Variants in NSUN6 observed in about 807,000 individuals in gnomAD.
The protein encoded by NSUN6 is tRNA (cytosine(72)-C(5))-methyltransferase NSUN6.
NSUN6 carries 64 observed loss-of-function variants against 58.0 expected under a neutral mutation model. That is an observed-to-expected ratio of 1.10 (90% CI 0.90 to 1.36). NSUN6 has a LOEUF of 1.36. NSUN6 is among the 40% of genes most tolerant of loss of function. The pLI is 0.00. For missense variants in NSUN6, 701 were observed against 550.1 expected, an observed-to-expected ratio of 1.27 and a Z score of -2.74; for synonymous variants, 231 against 193.9, an observed-to-expected ratio of 1.19 and a Z score of -1.59.
At chr10:18,555,855 A>AGAATG (rs1223164181) in intron 8 of NSUN6, among the ~76,000 whole-genome samples, 1 of 149,584 alleles carries the variant, frequency 6.7e-6, no homozygotes, top group African/African-American at 2.5e-5. Flanking sequence ...AATGGAATGG[A>AGAATG]GAATGGAATG....
At chr10:18,622,280 T>C (rs747042635) in intron 3 of NSUN6, among the ~76,000 whole-genome samples, 7 of 152,082 alleles carry the variant, frequency 4.6e-5, no homozygotes, top group African/African-American at 7.2e-5. Context: ...GAGAATACAA[T>C]GAGAAGTCAG....
chr10:18,604,446 C>T (rs1364008431), intron 6 of NSUN6, among the ~76,000 whole-genome samples: 1 of 152,194 alleles, frequency 6.6e-6, no homozygotes, highest in African/African-American at 2.4e-5. Flanking sequence ...TGCTTTGTTA[C>T]TCAAAGTATG....
At chr10:18,573,136 C>T (rs559170599) in intron 8 of NSUN6, among the ~76,000 whole-genome samples, 14 of 150,808 alleles carry the variant, frequency 9.3e-5, no homozygotes, top group African/African-American at 2.4e-4. Context: ...TCGTCCATTC[C>T]GTTCCACTCT....
At chr10:18,552,117 A>C (rs2054643186) in intron 8 of NSUN6, 146 bp from the exon 9 acceptor site, 2 of 582,040 alleles carry the variant, frequency 3.4e-6, no homozygotes, top group South Asian at 4.9e-5. Context: ...GGTTAAACTA[A>C]TTTTGACTTA....
Position 18,614,119 on chromosome 10 carries a change from C to T in NSUN6, c.575+341G>A, listed in dbSNP as rs548343814. On this transcript the variant is annotated intron_variant, in intron 5 of 10. Coordinates refer to ENST00000377304, the MANE Select transcript of NSUN6 (RefSeq NM_182543.5). Reference sequence around the variant, plus strand: ...TCAAACTTTTTCTGACAAATAAGAACGTTAAAAATGATCTGGATAGATCAT... The same window carrying T: ...TCAAACTTTTTCTGACAAATAAGAATGTTAAAAATGATCTGGATAGATCAT... 1.3e-4 allele frequency among the ~76,000 whole-genome samples: 20 copies of T among 151,684 alleles called. No individual in the cohort carries two copies. In the East Asian group the frequency reaches 1.7e-3, roughly 13 times the overall value.
At chr10:18,602,351 C>A (rs2057877768) in intron 6 of NSUN6, among the ~76,000 whole-genome samples, 1 of 151,686 alleles carries the variant, frequency 6.6e-6, no homozygotes, top group Non-Finnish European at 1.5e-5. Context: ...TCATGCCATT[C>A]TCCTGCCTCA....
chr10:18,640,560 C>T (rs981818492), intron 3 of NSUN6, among the ~76,000 whole-genome samples: 1 of 152,238 alleles, frequency 6.6e-6, no homozygotes. Flanking sequence ...TAGCAGCTAA[C>T]TGGTCCAAAA....
At chr10:18,591,472 A>G (rs751658917) in intron 7 of NSUN6, among the ~76,000 whole-genome samples, 1 of 152,230 alleles carries the variant, frequency 6.6e-6, no homozygotes, top group African/African-American at 2.4e-5. Context: ...AAAATCCTCA[A>G]TAAAATATTG....
intron 3 of NSUN6, among the ~76,000 whole-genome samples, chr10:18,637,233 G>C (rs1192431171): frequency 2.6e-5 from 4 of 152,106 alleles, no homozygotes; most frequent in African/African-American, 9.7e-5. Flanking sequence ...AAAGTGCTGG[G>C]ATTACAGGCG....
intron 7 of NSUN6, 38 bp from the exon 8 acceptor site, chr10:18,586,131 A>G (rs1401281141): frequency 6.1e-6 from 9 of 1,481,192 alleles, no homozygotes; most frequent in Non-Finnish European, 8.1e-6. Context: ...AGAAAAAAAA[A>G]AAGAAAATTA....
At chr10:18,555,732 TAGAATGG>T (rs918000089) in intron 8 of NSUN6, among the ~76,000 whole-genome samples, 1 of 146,210 alleles carries the variant, frequency 6.8e-6, no homozygotes, top group African/African-American at 2.6e-5. Flanking sequence ...GACAATGGGT[TAGAATGG>T]AGAATGGAAT....
At chr10:18,641,110 G>C (rs1176206054) in intron 3 of NSUN6, among the ~76,000 whole-genome samples, 4 of 152,030 alleles carry the variant, frequency 2.6e-5, no homozygotes, top group African/African-American at 9.7e-5. Flanking sequence ...CATCTTCTCT[G>C]ATTGGTAAGT....
rs2059420227 is a variant in NSUN6, at chr10:18,642,544, T to A, written c.243A>T (p.Gly81=). ...LLDELQKQFN[G]LSVPILQHPD... is the part of the protein sequence containing the mutation. ...GATGTTGAAGAATAGGAACACTTAATCCATTAAACTGCTGTTAAAGATAAA... is the reference window on the plus strand; with the variant it reads ...GATGTTGAAGAATAGGAACACTTAAACCATTAAACTGCTGTTAAAGATAAA... Residue 81 remains glycine (G), a synonymous_variant, in exon 3 of 11, where the codon GGA becomes GGT. Coordinates refer to ENST00000377304, the MANE Select transcript of NSUN6 (RefSeq NM_182543.5). 1 of 1,478,814 alleles carries A rather than the reference T, an allele frequency of 6.8e-7. No individual in the cohort carries two copies. The highest frequency in any genetic ancestry group is 9.4e-7 in the Non-Finnish European group (1 of 1,058,648). The allele number at this position is 1,478,814 out of a possible 1,614,324, so 91.6% of individuals were successfully genotyped here.
At chr10:18,565,785 A>ATTCTCCACTCCATTCCT (rs1252389580) in intron 8 of NSUN6, among the ~76,000 whole-genome samples, 3 of 142,118 alleles carry the variant, frequency 2.1e-5, no homozygotes, top group African/African-American at 5.3e-5. Flanking sequence ...CTTTCATTCC[A>ATTCTCCACTCCATTCCT]TTCTCCACTC....
chr10:18,639,648 A>AT (rs150507568), intron 3 of NSUN6, among the ~76,000 whole-genome samples: 17,822 of 152,268 alleles, frequency 0.12, 1,336 homozygotes, highest in Middle Eastern at 0.22. Flanking sequence ...CACCATTTGT[A>AT]TTTATACATT....
At chr10:18,634,253 C>G (rs1033275580) in intron 3 of NSUN6, among the ~76,000 whole-genome samples, 1 of 152,096 alleles carries the variant, frequency 6.6e-6, no homozygotes, top group Non-Finnish European at 1.5e-5. Context: ...ACAAGGCAAA[C>G]TAAACCAGCA....
At chr10:18,587,913 C>T (rs1467531282) in intron 7 of NSUN6, among the ~76,000 whole-genome samples, 1 of 152,012 alleles carries the variant, frequency 6.6e-6, no homozygotes, top group African/African-American at 2.4e-5. Flanking sequence ...ACCTGGAACC[C>T]CAGTAAGACA....
upstream of NSUN6, chr10:18,652,564 C>T (rs146879774): frequency 1.3e-4 from 119 of 943,384 alleles, 1 homozygote; most frequent in Non-Finnish European, 1.5e-4. Flanking sequence ...ATCATTTTCT[C>T]TGCTCTTTTT....
chr10:18,562,266 T>G (rs1328714310), intron 8 of NSUN6, among the ~76,000 whole-genome samples: 1 of 147,732 alleles, frequency 6.8e-6, no homozygotes, highest in Non-Finnish European at 1.5e-5. Flanking sequence ...GAATGCAGAA[T>G]GGAATGGAAT....
Sources: allele counts gnomAD v4.1 joint callset (sites outside exome capture counted in the v4.1 genomes callset), GRCh38; gene constraint gnomAD v4.1.1; transcripts MANE v1.5; gene names NCBI Gene and HGNC (gene_info 2026-07-23, HGNC 2026-07-21).